RPRD2: variants seen among roughly 807,000 people sequenced by gnomAD.
RPRD2 encodes regulation of nuclear pre-mRNA domain containing 2, also known as regulation of nuclear pre-mRNA domain-containing protein 2.
A neutral mutation model predicts 104.4 loss-of-function variants in RPRD2; 12 were observed. That is an observed-to-expected ratio of 0.11 (90% CI 0.07 to 0.19). The LOEUF (loss-of-function observed/expected upper bound fraction) is 0.19. Ranked by LOEUF, RPRD2 falls within the 10% of genes least tolerant of loss-of-function variation. The pLI, the probability that RPRD2 is intolerant of heterozygous loss-of-function variation, is 1.00. For missense variants in RPRD2, 1,543 were observed against 1,790.1 expected, an observed-to-expected ratio of 0.86 and a Z score of 2.49; for synonymous variants, 714 against 684.9, an observed-to-expected ratio of 1.04 and a Z score of -0.66.
chr1:150,387,913 CTT>C (rs34188350), intron 1 of RPRD2, among the ~76,000 whole-genome samples: 31 of 94,564 alleles, frequency 3.3e-4, no homozygotes, highest in African/African-American at 5.7e-4. Flanking sequence ...TTTCTTTTCT[CTT>C]TTTTTTTTTT....
chr1:150,385,721 GT>G (rs1661514136), intron 1 of RPRD2, among the ~76,000 whole-genome samples: 1 of 152,282 alleles, frequency 6.6e-6, no homozygotes, highest in South Asian at 2.1e-4. Context: ...ATCTTGCCAT[GT>G]TTAACTCCCC....
chr1:150,470,280 A>G (rs1668509845), intron 10 of RPRD2, among the ~76,000 whole-genome samples: 1 of 152,086 alleles, frequency 6.6e-6, no homozygotes, highest in Non-Finnish European at 1.5e-5. Context: ...TGATTCTGAC[A>G]TTAAAATCTC....
At chr1:150,371,103 G>C (rs1419757397) in intron 1 of RPRD2, among the ~76,000 whole-genome samples, 1 of 152,108 alleles carries the variant, frequency 6.6e-6, no homozygotes, top group Non-Finnish European at 1.5e-5. Context: ...TCTTCATACA[G>C]GATTTGGTTT....
intron 1 of RPRD2, among the ~76,000 whole-genome samples, chr1:150,388,490 T>TATAC (rs1553882515): frequency 5.4e-4 from 40 of 74,070 alleles, no homozygotes; most frequent in South Asian, 4.7e-3. Context: ...TATATATATA[T>TATAC]ACCCGCGCAC....
rs117069894 is a variant in RPRD2 at position 150,434,171 on chromosome 1, G to A, written c.336-6752G>A. Among the ~76,000 whole-genome samples, 311 of 152,138 alleles carry A rather than the reference G, an allele frequency of 2.0e-3. 6 individuals carry two copies. In the East Asian group the frequency reaches 0.034, roughly 17 times the overall value. The stretch of plus-strand genomic sequence containing the variant: ...GGAGTTCAAGACCAGCCTGGCCAAC[G>A]TGGCAAAACCTGTCTCTACCAAAAA... On this transcript the variant is annotated intron_variant, in intron 2 of 10. Transcript: ENST00000369068.
chr1:150,403,806 G>GT (rs1438435095), intron 1 of RPRD2, among the ~76,000 whole-genome samples: 5 of 151,700 alleles, frequency 3.3e-5, no homozygotes, highest in African/African-American at 9.7e-5. Context: ...GCTAATTTTT[G>GT]TTTTTTTAGT....
intron 2 of RPRD2, among the ~76,000 whole-genome samples, chr1:150,423,516 T>C (rs182209826): frequency 1.3e-4 from 20 of 152,334 alleles, no homozygotes; most frequent in African/African-American, 4.8e-4. Flanking sequence ...TATAAGAGCT[T>C]AATGTGATTT....
chr1:150,458,987 A>ACATATGTGG (rs1560219652), intron 8 of RPRD2, among the ~76,000 whole-genome samples: 1 of 152,114 alleles, frequency 6.6e-6, no homozygotes, highest in African/African-American at 2.4e-5. Context: ...ATTTAAACTT[A>ACATATGTGG]CATATGTGGC....
At chr1:150,430,163 A>G (rs1281581106) in intron 2 of RPRD2, among the ~76,000 whole-genome samples, 4 of 152,212 alleles carry the variant, frequency 2.6e-5, no homozygotes, top group Non-Finnish European at 5.9e-5. Flanking sequence ...TTCCTTCCCA[A>G]ATGAGTTTCA....
At chr1:150,388,497 GCACA>G (rs143626934) in intron 1 of RPRD2, among the ~76,000 whole-genome samples, 20,307 of 90,084 alleles carry the variant, frequency 0.23, 1,790 homozygotes, top group South Asian at 0.47. Context: ...ATATACCCGC[GCACA>G]CACACACACA....
At chr1:150,393,875 A>AAATCAAAC (rs1553883657) in intron 1 of RPRD2, among the ~76,000 whole-genome samples, 1 of 152,174 alleles carries the variant, frequency 6.6e-6, no homozygotes, top group African/African-American at 2.4e-5. Flanking sequence ...GAGATAATGA[A>AAATCAAAC]AATCAAACAT....
intron 1 of RPRD2, among the ~76,000 whole-genome samples, chr1:150,410,371 A>G (rs1467000650): frequency 6.6e-6 from 1 of 152,166 alleles, no homozygotes; most frequent in Non-Finnish European, 1.5e-5. Flanking sequence ...AGGCAAAGGT[A>G]GAAGCAGGGA....
At chr1:150,396,297 T>A (rs1283640740) in intron 1 of RPRD2, among the ~76,000 whole-genome samples, 1 of 152,078 alleles carries the variant, frequency 6.6e-6, no homozygotes, top group African/African-American at 2.4e-5. Context: ...TCCCACTCTG[T>A]GGATTGTCTG....
At chr1:150,435,637 A>C (rs587752684) in intron 2 of RPRD2, among the ~76,000 whole-genome samples, 1 of 152,236 alleles carries the variant, frequency 6.6e-6, no homozygotes, top group Non-Finnish European at 1.5e-5. Flanking sequence ...CCTCAATTCT[A>C]TGAAGGTTGA....
At chr1:150,416,720 A>C (rs1664354414) in intron 1 of RPRD2, among the ~76,000 whole-genome samples, 2 of 151,818 alleles carry the variant, frequency 1.3e-5, no homozygotes, top group Admixed American at 6.6e-5. Context: ...AAATACAAAA[A>C]AATTAGCTGG....
At chr1:150,441,583 G>A (rs1553894453) in intron 3 of RPRD2, 1 of 257,458 alleles carries the variant, frequency 3.9e-6, no homozygotes, top group South Asian at 9.0e-5. Flanking sequence ...CTTTAAAAAT[G>A]GCATCTTCTA....
chr1:150,384,639 TTGTGTGTGTG>T (rs71086504), intron 1 of RPRD2, among the ~76,000 whole-genome samples: 305 of 133,400 alleles, frequency 2.3e-3, no homozygotes, highest in African/African-American at 2.8e-3. Context: ...CCTGGCTAAT[TTGTGTGTGTG>T]TGTGTGTGTG....
intron 9 of RPRD2, among the ~76,000 whole-genome samples, chr1:150,462,877 A>T (rs1553899119): frequency 6.6e-6 from 1 of 151,878 alleles, no homozygotes; most frequent in Non-Finnish European, 1.5e-5. Context: ...ATTTTGAGAC[A>T]AGGTCCCACT....
intron 1 of RPRD2, among the ~76,000 whole-genome samples, chr1:150,380,647 C>T (rs782747888): frequency 6.6e-5 from 10 of 151,262 alleles, no homozygotes; most frequent in South Asian, 2.1e-4. Context: ...ACACCCGGCT[C>T]CTATTTTATT....
Sources: gnomAD v4.1 joint callset for allele counts (sites outside exome capture counted in the v4.1 genomes callset) on GRCh38, gnomAD v4.1.1 for gene constraint, MANE v1.5 for transcripts, NCBI Gene and HGNC (gene_info 2026-07-23, HGNC 2026-07-21) for gene names.